The following AFF3 variants were observed in gnomAD, a reference collection of about 807,000 sequenced individuals.
The protein encoded by AFF3 is ALF transcription elongation factor 3.
A neutral mutation model predicts 129.7 loss-of-function variants in AFF3; 32 were observed. The observed-to-expected ratio is 0.25, with a 90% confidence interval of 0.19 to 0.33. The LOEUF (loss-of-function observed/expected upper bound fraction) is 0.33, where lower values mean the gene tolerates loss of function less well. Ranked by LOEUF, AFF3 falls within the 10% of genes least tolerant of loss-of-function variation. AFF3 has a pLI of 1.00. For synonymous variants in AFF3, 644 were observed against 635.4 expected (o/e 1.01, Z -0.20); for missense variants, 1,373 against 1,592.0 (o/e 0.86, Z 2.34).
At chr2:99,680,352 T>C (rs1674412227) in intron 11 of AFF3, among the ~76,000 whole-genome samples, 1 of 152,200 alleles carries the variant, frequency 6.6e-6, no homozygotes, top group African/African-American at 2.4e-5. Context: ...AGCTCGATGT[T>C]CTCAGTATTA....
At chr2:100,072,084 T>A (rs972023736) in intron 4 of AFF3, among the ~76,000 whole-genome samples, 1 of 152,076 alleles carries the variant, frequency 6.6e-6, no homozygotes, top group African/African-American at 2.4e-5. Flanking sequence ...ACATTTCCCC[T>A]CCCCATGTCC....
chr2:99,956,285 A>G (rs907091564), intron 7 of AFF3, among the ~76,000 whole-genome samples: 1 of 152,194 alleles, frequency 6.6e-6, no homozygotes, highest in African/African-American at 2.4e-5. Context: ...ACTGGGAACA[A>G]AGGAGGAAGA....
intron 7 of AFF3, among the ~76,000 whole-genome samples, chr2:99,865,261 C>T (rs1013910319): frequency 1.4e-4 from 22 of 152,160 alleles, no homozygotes; most frequent in Non-Finnish European, 1.8e-4. Flanking sequence ...AACAGTTGGA[C>T]GATCTTAGCC....
At chr2:99,837,737 C>T (rs928342765) in intron 7 of AFF3, among the ~76,000 whole-genome samples, 1 of 152,056 alleles carries the variant, frequency 6.6e-6, no homozygotes, top group Non-Finnish European at 1.5e-5. Context: ...TGGAGCACCA[C>T]ACACGCACCC....
intron 4 of AFF3, among the ~76,000 whole-genome samples, chr2:100,084,841 G>A (rs1413090392): frequency 3.3e-5 from 5 of 149,520 alleles, no homozygotes; most frequent in South Asian, 2.1e-4. Flanking sequence ...GTCCAATTTC[G>A]TGTATCTTTA....
intron 8 of AFF3, among the ~76,000 whole-genome samples, chr2:99,821,569 C>T (rs994608374): frequency 1.3e-5 from 2 of 152,190 alleles, no homozygotes; most frequent in African/African-American, 4.8e-5. Flanking sequence ...CATTCAAAGC[C>T]GTCCTGGGCT....
At chr2:99,753,394 C>T (rs1468452267) in intron 8 of AFF3, among the ~76,000 whole-genome samples, 1 of 152,202 alleles carries the variant, frequency 6.6e-6, no homozygotes, top group East Asian at 1.9e-4. Flanking sequence ...GCTACTGCGC[C>T]TGGCCGAACC....
chr2:99,729,289 T>A (rs1679612588), intron 10 of AFF3, among the ~76,000 whole-genome samples: 1 of 152,194 alleles, frequency 6.6e-6, no homozygotes, highest in Admixed American at 6.5e-5. Context: ...CCTTGACCAA[T>A]CATGCTGCCC....
chr2:99,690,791 A>G (rs77324610), intron 11 of AFF3, among the ~76,000 whole-genome samples: 1 of 148,798 alleles, frequency 6.7e-6, no homozygotes, highest in Non-Finnish European at 1.5e-5. Context: ...TTTTTTTTTC[A>G]AAAAAAGAAA....
At chr2:99,641,637 C>G (rs1019451922) in intron 13 of AFF3, among the ~76,000 whole-genome samples, 1 of 152,066 alleles carries the variant, frequency 6.6e-6, no homozygotes, top group Admixed American at 6.5e-5. Flanking sequence ...GAGATCATAC[C>G]ACTGTACTCC....
chr2:99,791,257 T>C (rs1204222478), intron 8 of AFF3, among the ~76,000 whole-genome samples: 1 of 152,210 alleles, frequency 6.6e-6, no homozygotes, highest in Non-Finnish European at 1.5e-5. Context: ...CTTGGCGGAT[T>C]GGTTCTAGGA....
intron 1 of AFF3, among the ~76,000 whole-genome samples, chr2:100,132,689 C>T (rs1692471459): frequency 6.6e-6 from 1 of 152,150 alleles, no homozygotes; most frequent in Non-Finnish European, 1.5e-5. Flanking sequence ...CCACTAACCA[C>T]ATGTGACTGC....
In AFF3 at chr2:99,783,844, G is replaced by A. The variant is rs192429379; in HGVS notation, c.922-31543C>T. ...CAGGGCCCCCCTGGAAAGGGAAAGTGATTCAAGAGGGTCTCCTATACCTGA... is the reference window on the plus strand; with the variant it reads ...CAGGGCCCCCCTGGAAAGGGAAAGTAATTCAAGAGGGTCTCCTATACCTGA... On this transcript the variant is annotated intron_variant, in intron 8 of 24. Transcript: ENST00000672756. Among the ~76,000 whole-genome samples the A allele has an allele frequency of 2.6e-5, 4 of 152,342 alleles. No individual in the cohort carries two copies. In the East Asian group the frequency reaches 7.7e-4, roughly 29 times the overall value.
chr2:99,587,486 C>A (rs1178698687), intron 15 of AFF3, among the ~76,000 whole-genome samples: 1 of 152,188 alleles, frequency 6.6e-6, no homozygotes, highest in Admixed American at 6.5e-5. Context: ...TTACAATTGA[C>A]AGCTGATGGA....
chr2:99,733,392 A>AC, intron 10 of AFF3, among the ~76,000 whole-genome samples: 1 of 77,156 alleles, frequency 1.3e-5, no homozygotes, highest in East Asian at 7.1e-4. Context: ...AAAAAAAAAA[A>AC]CCAAAACAAC....
intron 15 of AFF3, among the ~76,000 whole-genome samples, chr2:99,589,247 G>A (rs1362478438): frequency 6.6e-6 from 1 of 152,120 alleles, no homozygotes; most frequent in East Asian, 1.9e-4. Context: ...AACAAAGACT[G>A]AGCACCAGCA....
In AFF3 at chr2:99,672,468, C is replaced by T. The variant is rs376542098; in HGVS notation, c.1143+70G>A. 125 of 1,489,402 alleles carry T rather than the reference C, an allele frequency of 8.4e-5. 1 individual carries two copies. The African/African-American group carries it at 1.5e-3, about 18-fold the overall frequency. The allele number at this position is 1,489,402 out of a possible 1,614,324, so 92.3% of individuals were successfully genotyped here. Reference sequence around the variant, plus strand: ...GCCACCATTCAGCTTGGTTAACACCCGGCACAGTCCACCAGGTAACTGTTA... The same window carrying T: ...GCCACCATTCAGCTTGGTTAACACCTGGCACAGTCCACCAGGTAACTGTTA... On this transcript the variant is annotated intron_variant, in intron 12 of 24. Transcript: ENST00000672756.
chr2:99,620,749 G>C (rs1681919593), intron 13 of AFF3, among the ~76,000 whole-genome samples: 1 of 152,196 alleles, frequency 6.6e-6, no homozygotes, highest in Non-Finnish European at 1.5e-5. Flanking sequence ...TGGGTCACGG[G>C]GGAGGATTGC....
intron 11 of AFF3, among the ~76,000 whole-genome samples, chr2:99,675,777 C>G (rs1687550909): frequency 6.6e-6 from 1 of 152,184 alleles, no homozygotes. Context: ...GCCGCCTTCA[C>G]CAAACACACA....
Sources: allele counts gnomAD v4.1 joint callset (sites outside exome capture counted in the v4.1 genomes callset), GRCh38; gene constraint gnomAD v4.1.1; transcripts MANE v1.5; gene names NCBI Gene and HGNC (gene_info 2026-07-23, HGNC 2026-07-21).